TSPAN33: variants seen among roughly 807,000 people sequenced by gnomAD.
TSPAN33 encodes the protein tetraspanin 33.
Under a neutral mutation model 34.8 loss-of-function variants are expected in TSPAN33, and 27 were observed. That is an observed-to-expected ratio of 0.78 (90% CI 0.57 to 1.07). The LOEUF is 1.07. Ranked by LOEUF, TSPAN33 falls within the 50% of genes least tolerant of loss-of-function variation. The pLI, the probability that TSPAN33 is intolerant of heterozygous loss-of-function variation, is 0.00. For missense variants in TSPAN33, 272 were observed against 324.9 expected (o/e 0.84, Z 1.25); for synonymous variants, 119 against 124.2 (o/e 0.96, Z 0.28).
intron 1 of TSPAN33, among the ~76,000 whole-genome samples, chr7:129,150,839 CAG>C (rs888375487): frequency 1.4e-4 from 22 of 152,176 alleles, no homozygotes; most frequent in African/African-American, 5.1e-4. Context: ...GGCAAGCAGA[CAG>C]GGACTGGCTA....
intron 1 of TSPAN33, among the ~76,000 whole-genome samples, chr7:129,157,823 G>A (rs1445933807): frequency 6.6e-6 from 1 of 152,228 alleles, no homozygotes; most frequent in Non-Finnish European, 1.5e-5. Flanking sequence ...CTGCATAGCA[G>A]CAGATGAATT....
In TSPAN33 at chr7:129,162,925, G is replaced by C. The variant is rs145300240; in HGVS notation, c.363+18G>C. 21,433 of 1,612,676 alleles carry C rather than the reference G, an allele frequency of 0.013. 182 individuals carry two copies. The highest frequency in any genetic ancestry group is 0.015 in the Non-Finnish European group (18,035 of 1,179,236). On this transcript the variant is annotated intron_variant, in intron 4 of 7. Coordinates refer to ENST00000486685, the MANE Select transcript of TSPAN33 (RefSeq NM_178562.5). Reference sequence around the variant, plus strand: ...CAGACAAGGTAACACTGGGAGCCAGGAGGCCTCCTCAGGTGTGACCCAGAG... The same window carrying C: ...CAGACAAGGTAACACTGGGAGCCAGCAGGCCTCCTCAGGTGTGACCCAGAG...
rs1793145991 is a variant in TSPAN33 at position 129,166,720 on chromosome 7, CT to C, written c.460-57del. On this transcript the variant is annotated intron_variant, in intron 5 of 7. Coordinates refer to ENST00000486685, the MANE Select transcript of TSPAN33 (RefSeq NM_178562.5). Reference sequence around the variant, plus strand: ...ACTTTTGGTGGCTCTGAGAATTCCCCTGGTCACCTCAGTGTGAGGGGTGGGT... The same window carrying C: ...ACTTTTGGTGGCTCTGAGAATTCCCCGGTCACCTCAGTGTGAGGGGTGGGT... 3.8e-6 allele frequency: 6 copies of C among 1,590,698 alleles called. No individual in the cohort carries two copies. The East Asian group carries it at 1.1e-4, about 30-fold the overall frequency.
chr7:129,149,800 TC>T (rs36074250), intron 1 of TSPAN33, among the ~76,000 whole-genome samples: 2 of 152,126 alleles, frequency 1.3e-5, no homozygotes, highest in Admixed American at 6.5e-5. Context: ...GGGGACAGTG[TC>T]CCCCAATCCA....
rs771048133 is a variant in TSPAN33 at position 129,162,400 on chromosome 7, C to A, written c.167C>A (p.Ala56Asp). 9.3e-5 allele frequency: 150 copies of A among 1,612,824 alleles called. No homozygotes were observed. The highest frequency in any genetic ancestry group is 1.2e-4 in the Non-Finnish European group (137 of 1,180,002). The change falls in exon 3 of 8, where the codon GCC becomes GAC. Residue 56 changes from alanine to aspartate, a missense_variant. Transcript: ENST00000486685. Reference protein sequence around the residue: ...YARLMKHAEAALACLAVDPAI... With the variant: ...YARLMKHAEADLACLAVDPAI... ...GGGCCGGCTCCTTTTCCAGAAGCAG[C>A]CCTAGCCTGCCTGGCAGTGGACCCT...
In TSPAN33 at chr7:129,148,102, A is replaced by C. The variant is rs1329235436; in HGVS notation, c.102+3020A>C. 6.6e-6 allele frequency among the ~76,000 whole-genome samples: 1 copy of C among 152,126 alleles called. No individual in the cohort carries two copies. Among genetic ancestry groups the C allele is most frequent in the African/African-American group, 2.4e-5 (1 of 41,420 alleles). On this transcript the variant is annotated intron_variant, in intron 1 of 7. Coordinates refer to ENST00000486685, the MANE Select transcript of TSPAN33 (RefSeq NM_178562.5). This position sits in a 1 kb window ranked among gnomAD's most constrained non-coding sequence, Gnocchi z 4.2. The stretch of plus-strand genomic sequence containing the variant: ...CCCTCTGCAGGACAGCTCCGTGCAG[A>C]TATTGGGGTGGTGCCTGCTTTCTCA...
At position 129,158,050 on chromosome 7, in the gene TSPAN33, C is replaced by T. The variant is rs535777060; in HGVS notation, c.103-3629C>T. Among the ~76,000 whole-genome samples, 26 of 152,350 alleles carry T rather than the reference C, an allele frequency of 1.7e-4. No homozygotes were observed. The East Asian group carries it at 4.6e-3, about 27-fold the overall frequency. On this transcript the variant is annotated intron_variant, in intron 1 of 7. Coordinates refer to ENST00000486685, the MANE Select transcript of TSPAN33 (RefSeq NM_178562.5). The stretch of plus-strand genomic sequence containing the variant: ...TAGGAAGAGCTCGCCTCCTTGCCTG[C>T]TCCAGCTGTTAGAGGCAGCCCTCAT...
intron 1 of TSPAN33, 77 bp from the exon 2 acceptor site, chr7:129,161,602 C>G (rs1346289444): frequency 6.3e-6 from 9 of 1,418,576 alleles, no homozygotes; most frequent in Non-Finnish European, 9.0e-6. Context: ...TTCTCCTGCT[C>G]TCCTAGGTTT....
At chr7:129,154,413 T>C (rs1381748421) in intron 1 of TSPAN33, among the ~76,000 whole-genome samples, 1 of 152,074 alleles carries the variant, frequency 6.6e-6, no homozygotes, top group Non-Finnish European at 1.5e-5. Context: ...TAAAACTGTA[T>C]GCAAGTGAAC....
At chr7:129,160,199 G>A (rs1239973600) in intron 1 of TSPAN33, among the ~76,000 whole-genome samples, 1 of 152,194 alleles carries the variant, frequency 6.6e-6, no homozygotes, top group African/African-American at 2.4e-5. Flanking sequence ...AGGGAAAAAT[G>A]AGGGACTCAT....
In TSPAN33 at chr7:129,145,776, T is replaced by C. The variant is rs779809412; in HGVS notation, c.102+694T>C. On this transcript the variant is annotated intron_variant, in intron 1 of 7. Transcript: ENST00000486685. ...TCTTCTGCTTGGGGTGGAAAAAGTATTGGGCTGGGACTCCGGACACCTGGA... is the reference window on the plus strand; with the variant it reads ...TCTTCTGCTTGGGGTGGAAAAAGTACTGGGCTGGGACTCCGGACACCTGGA... Among the ~76,000 whole-genome samples the C allele has an allele frequency of 6.6e-4, 100 of 151,626 alleles. 1 individual carries two copies. The highest frequency in any genetic ancestry group is 5.2e-4 in the Non-Finnish European group (35 of 67,936).
intron 1 of TSPAN33, among the ~76,000 whole-genome samples, chr7:129,161,018 A>G (rs1054191169): frequency 7.2e-5 from 11 of 152,182 alleles, no homozygotes; most frequent in South Asian, 2.1e-4. Context: ...AGGCTCAGAA[A>G]TTTGCCCTAT....
At chr7:129,154,032 T>G (rs1249593663) in intron 1 of TSPAN33, among the ~76,000 whole-genome samples, 2 of 151,824 alleles carry the variant, frequency 1.3e-5, no homozygotes, top group Non-Finnish European at 2.9e-5. Flanking sequence ...CTTGAACAAT[T>G]TTAAGATCCA....
intron 3 of TSPAN33, 138 bp downstream of exon 3, chr7:129,162,659 C>A: frequency 6.7e-7 from 1 of 1,485,134 alleles, no homozygotes; most frequent in Non-Finnish European, 9.1e-7. Context: ...GAGCTTAGCC[C>A]GGGTGACCCA....
At chr7:129,164,885 G>A (rs1793114616) in intron 5 of TSPAN33, 1 of 254,032 alleles carries the variant, frequency 3.9e-6, no homozygotes, top group South Asian at 5.7e-5. Context: ...TCATTTGATT[G>A]TTCACAGTCA....
chr7:129,167,823 G>A lies in TSPAN33; in HGVS notation c.801G>A (p.Gln267=), dbSNP rs771772403. 1 of 1,614,178 alleles carries A rather than the reference G, an allele frequency of 6.2e-7. No homozygotes were observed. The change falls in exon 8 of 8, where the codon CAG becomes CAA. Residue 267 remains glutamine, a synonymous_variant. Coordinates refer to ENST00000486685, the MANE Select transcript of TSPAN33 (RefSeq NM_178562.5). The surrounding 1 kb of genome is among the most constrained non-coding windows in gnomAD (Gnocchi z 4.6). ...TCCTAGTGAATCAGATCAAAGATCA[G>A]ATCAAGCTACAGCTCTACAACCAGC... ...SQILVNQIKD[Q]IKLQLYNQQH...
intron 1 of TSPAN33, among the ~76,000 whole-genome samples, chr7:129,158,016 G>A (rs574807111): frequency 2.0e-5 from 3 of 152,260 alleles, no homozygotes; most frequent in African/African-American, 7.2e-5. Context: ...GCATTCCTTC[G>A]GGAAGTGCTA....
chr7:129,153,122 C>T (rs1810623719), intron 1 of TSPAN33, among the ~76,000 whole-genome samples: 3 of 151,280 alleles, frequency 2.0e-5, no homozygotes, highest in Admixed American at 6.6e-5. Context: ...TGAAAGAAGC[C>T]GGACACAGAG....
At chr7:129,153,616 C>T (rs2150622760) in intron 1 of TSPAN33, among the ~76,000 whole-genome samples, 1 of 149,728 alleles carries the variant, frequency 6.7e-6, no homozygotes, top group Non-Finnish European at 1.5e-5. Context: ...TACATATGGA[C>T]TGTAAATTAG....
Sources: allele counts gnomAD v4.1 joint callset (sites outside exome capture counted in the v4.1 genomes callset), GRCh38; gene constraint gnomAD v4.1.1; non-coding constraint Gnocchi (gnomAD v3.1); transcripts MANE v1.5; gene names NCBI Gene and HGNC (gene_info 2026-07-23, HGNC 2026-07-21).